Variants in MUSK observed in about 807,000 individuals in gnomAD.
MUSK encodes the protein muscle associated receptor tyrosine kinase, also known as muscle, skeletal receptor tyrosine-protein kinase.
Under a neutral mutation model 88.7 loss-of-function variants are expected in MUSK, and 55 were observed. The ratio of observed to expected loss-of-function variants is 0.62; its 90% CI spans 0.50 to 0.78. The LOEUF is 0.78. MUSK is among the 30% of genes least tolerant of loss of function. MUSK has a pLI of 0.00. For missense variants in MUSK, 1,015 were observed against 1,074.3 expected (o/e 0.94, Z 0.77); for synonymous variants, 387 against 391.9 (o/e 0.99, Z 0.15).
chr9:110,746,442 G>C (rs1161329655), intron 6 of MUSK, among the ~76,000 whole-genome samples: 1 of 152,140 alleles, frequency 6.6e-6, no homozygotes, highest in Non-Finnish European at 1.5e-5. Context: ...CTAGGACTAG[G>C]GAAGGCACTG....
At chr9:110,797,874 T>C (rs1413638032) in intron 14 of MUSK, among the ~76,000 whole-genome samples, 1 of 152,224 alleles carries the variant, frequency 6.6e-6, no homozygotes, top group Non-Finnish European at 1.5e-5. Flanking sequence ...ATGTTGACTC[T>C]GTATTCGTAT....
chr9:110,804,196 T>C lies in MUSK; in HGVS notation c.*3208T>C, dbSNP rs2078130596. On this transcript the variant is annotated 3_prime_UTR_variant, in exon 15 of 15. Coordinates refer to ENST00000374448, the MANE Select transcript of MUSK (RefSeq NM_005592.4). ...TTGTATTTTTGAACATTTAGGTTTTTTCCAATTTTTATCATTATAAAAAAT... is the reference window on the plus strand; with the variant it reads ...TTGTATTTTTGAACATTTAGGTTTTCTCCAATTTTTATCATTATAAAAAAT... 6.6e-6 allele frequency among the ~76,000 whole-genome samples: 1 copy of C among 152,210 alleles called. No homozygotes were observed. Among genetic ancestry groups the C allele is most frequent in the Admixed American group, 6.5e-5 (1 of 15,284 alleles).
At chr9:110,768,206 G>C (rs1251675115) in intron 9 of MUSK, 123 bp downstream of exon 9, 1 of 1,019,028 alleles carries the variant, frequency 9.8e-7, no homozygotes, top group Non-Finnish European at 1.4e-6. Flanking sequence ...ATCCAAAATA[G>C]GAGGTTAATG....
chr9:110,768,324 C>T (rs2077516570), intron 9 of MUSK, among the ~76,000 whole-genome samples: 1 of 152,062 alleles, frequency 6.6e-6, no homozygotes, highest in South Asian at 2.1e-4. Flanking sequence ...ATGGTGAAAC[C>T]CCGTCTCTAC....
At position 110,806,213 on chromosome 9, in the gene MUSK, C is replaced by T. The variant is rs1477542537; in HGVS notation, c.*5225C>T. On this transcript the variant is annotated 3_prime_UTR_variant, in exon 15 of 15. Transcript: ENST00000374448. ...CAATTTTTTAAAAATATGCAGCACT[C>T]TGACTCAAACTCCCTTTCTTTTTCC... Among the ~76,000 whole-genome samples the T allele has an allele frequency of 6.6e-6, 1 of 152,058 alleles. No homozygotes were observed. The highest frequency in any genetic ancestry group is 1.9e-4 in the East Asian group (1 of 5,196).
At chr9:110,744,820 T>A (rs138344522) in intron 6 of MUSK, among the ~76,000 whole-genome samples, 1 of 152,292 alleles carries the variant, frequency 6.6e-6, no homozygotes, top group Admixed American at 6.5e-5. Context: ...TTCCTGTAAC[T>A]ACCAGACGTA....
chr9:110,699,647 G>A lies in MUSK; in HGVS notation c.628+2181G>A, dbSNP rs189672664. On this transcript the variant is annotated intron_variant, in intron 5 of 14. Coordinates refer to ENST00000374448, the MANE Select transcript of MUSK (RefSeq NM_005592.4). ...AGTTTTTTTTTAAAAAAAAGCAACT[G>A]AGAAATGACTGGAAAAACCTCAAAA... is the stretch of plus-strand genomic sequence containing the variant. Among the ~76,000 whole-genome samples, 17 of 152,192 alleles carry A rather than the reference G, an allele frequency of 1.1e-4. No homozygotes were observed. In the East Asian group the frequency reaches 3.3e-3, roughly 29 times the overall value.
intron 5 of MUSK, among the ~76,000 whole-genome samples, chr9:110,712,199 G>C (rs568655048): frequency 1.3e-5 from 2 of 151,324 alleles, no homozygotes; most frequent in African/African-American, 4.8e-5. Context: ...TGGGGAGAAG[G>C]GTCTCTGCTG....
chr9:110,734,754 A>G (rs2077008324), intron 6 of MUSK, among the ~76,000 whole-genome samples: 3 of 152,244 alleles, frequency 2.0e-5, no homozygotes, highest in African/African-American at 4.8e-5. Context: ...TCAGTTCAGC[A>G]TTCTTTTCTT....
At chr9:110,699,299 TA>T (rs1188523666) in intron 5 of MUSK, among the ~76,000 whole-genome samples, 3 of 152,174 alleles carry the variant, frequency 2.0e-5, no homozygotes, top group Non-Finnish European at 4.4e-5. Flanking sequence ...TAATATCATT[TA>T]AAGTTATTCT....
rs13298183 is a variant in MUSK, at chr9:110,701,656, A to T, written c.628+4190A>T. ...TGTGCACTACTGTGCTCAGCTATTT[A>T]TTTTATTTATTTTATTTTATTTTTT... is the stretch of plus-strand genomic sequence containing the variant. On this transcript the variant is annotated intron_variant, in intron 5 of 14. Coordinates refer to ENST00000374448, the MANE Select transcript of MUSK (RefSeq NM_005592.4). 3.2e-3 allele frequency among the ~76,000 whole-genome samples: 70 copies of T among 21,962 alleles called. 3 individuals are homozygous for T. Among genetic ancestry groups the T allele is most frequent in the Non-Finnish European group, 3.7e-3 (44 of 11,792 alleles). 14.4% of individuals were successfully genotyped at this position (21,962 alleles called of 152,430 possible).
In MUSK at chr9:110,785,590, C is replaced by T. The variant is rs2077842363; in HGVS notation, c.1650C>T (p.Pro550=). ...AGCTCTTACTAGATAGACTTCATCC[C>T]AACCCCATGTACCAGAGGATGCCGC... The part of the protein sequence containing the change: ...PSELLLDRLH[P]NPMYQRMPLL... The change falls in exon 13 of 15, where the codon CCC becomes CCT. Residue 550 remains proline (P), a synonymous_variant. Coordinates refer to ENST00000374448, the MANE Select transcript of MUSK (RefSeq NM_005592.4). 1 of 1,613,344 alleles carries T rather than the reference C, an allele frequency of 6.2e-7. No homozygotes were observed. The highest frequency in any genetic ancestry group is 1.7e-5 in the Admixed American group (1 of 59,964).
intron 3 of MUSK, among the ~76,000 whole-genome samples, chr9:110,694,479 AT>A (rs1402348805): frequency 4.6e-5 from 7 of 151,548 alleles, no homozygotes; most frequent in African/African-American, 1.7e-4. Context: ...CAAAGCCCCC[AT>A]TCCTCTCCCT....
rs1224068067 is a variant in MUSK, at chr9:110,785,153, AC to A, written c.1586+142del. 16 of 772,256 alleles carry A rather than the reference AC, an allele frequency of 2.1e-5. No homozygotes were observed. In the East Asian group the frequency reaches 4.1e-4, roughly 20 times the overall value. 47.8% of individuals were successfully genotyped at this position (772,256 alleles called of 1,614,324 possible). Reference sequence around the variant, plus strand: ...CCGTAGCCCTGCTTTAAAATTAAGCACCCCCATCATGATCTTTACAAATGTC... The same window carrying A: ...CCGTAGCCCTGCTTTAAAATTAAGCACCCCATCATGATCTTTACAAATGTC... On this transcript the variant is annotated intron_variant, in intron 12 of 14. Coordinates refer to ENST00000374448, the MANE Select transcript of MUSK (RefSeq NM_005592.4).
At chr9:110,798,139 C>G (rs1477528152) in intron 14 of MUSK, among the ~76,000 whole-genome samples, 16 of 152,150 alleles carry the variant, frequency 1.1e-4, no homozygotes, top group African/African-American at 3.9e-4. Context: ...AGTGATTCCA[C>G]TACTCTCATA....
At chr9:110,756,945 G>A (rs1383327470) in intron 7 of MUSK, among the ~76,000 whole-genome samples, 2 of 152,012 alleles carry the variant, frequency 1.3e-5, no homozygotes, top group African/African-American at 2.4e-5. Context: ...CTTTTTGAGG[G>A]CATTCCAACT....
chr9:110,673,794 T>A (rs1298980335), intron 1 of MUSK, among the ~76,000 whole-genome samples: 1 of 152,190 alleles, frequency 6.6e-6, no homozygotes, highest in Non-Finnish European at 1.5e-5. Context: ...AAGTAGCACA[T>A]GGTATTTAAG....
chr9:110,674,893 G>A (rs565727683), intron 1 of MUSK, among the ~76,000 whole-genome samples: 9 of 152,178 alleles, frequency 5.9e-5, no homozygotes, highest in Admixed American at 2.0e-4. Flanking sequence ...TTACAGACAT[G>A]AGCCACCAAC....
At chr9:110,715,118 C>G (rs1442925969) in intron 5 of MUSK, among the ~76,000 whole-genome samples, 3 of 149,708 alleles carry the variant, frequency 2.0e-5, no homozygotes, top group Non-Finnish European at 4.4e-5. Flanking sequence ...AGCCTTCTCC[C>G]TTTGAAGTCC....
Sources: gnomAD v4.1 joint callset for allele counts (sites outside exome capture counted in the v4.1 genomes callset) on GRCh38, gnomAD v4.1.1 for gene constraint, MANE v1.5 for transcripts, NCBI Gene and HGNC (gene_info 2026-07-23, HGNC 2026-07-21) for gene names.